MYO16: variants seen among roughly 807,000 people sequenced by gnomAD.
MYO16 encodes myosin XVI.
Under a neutral mutation model 205.3 loss-of-function variants are expected in MYO16, and 94 were observed. The observed-to-expected ratio is 0.46, with a 90% confidence interval of 0.39 to 0.54. MYO16 has a LOEUF of 0.54. Ranked by LOEUF, MYO16 falls within the 20% of genes least tolerant of loss-of-function variation. The pLI is 0.00. For synonymous variants in MYO16, 988 were observed against 954.0 expected, an observed-to-expected ratio of 1.04 and a Z score of -0.66; for missense variants, 2,315 against 2,387.5, an observed-to-expected ratio of 0.97 and a Z score of 0.63.
chr13:108,731,015 A>G (rs1884504233), intron 4 of MYO16, among the ~76,000 whole-genome samples: 1 of 152,220 alleles, frequency 6.6e-6, no homozygotes, highest in Admixed American at 6.5e-5. Context: ...CTTATGAGAT[A>G]CAGTTTCTGT....
At chr13:108,808,792 T>C (rs1002313135) in intron 7 of MYO16, among the ~76,000 whole-genome samples, 2 of 152,194 alleles carry the variant, frequency 1.3e-5, no homozygotes, top group Non-Finnish European at 2.9e-5. Flanking sequence ...GATTTAACAA[T>C]TAAAAAAACC....
intron 20 of MYO16, among the ~76,000 whole-genome samples, chr13:108,968,300 G>A (rs984134652): frequency 3.6e-4 from 55 of 152,176 alleles, no homozygotes; most frequent in African/African-American, 1.1e-3. Context: ...ATTCTTAATT[G>A]ATTGAGGAAT....
chr13:108,903,387 T>A (rs1208808250), intron 15 of MYO16, among the ~76,000 whole-genome samples: 1 of 46 alleles, frequency 0.022, no homozygotes, highest in African/African-American at 0.026. Flanking sequence ...CTATCCTCAG[T>A]TTTCAGGGGT....
intron 34 of MYO16, among the ~76,000 whole-genome samples, chr13:109,196,874 A>G (rs1880183871): frequency 6.6e-6 from 1 of 152,218 alleles, no homozygotes; most frequent in East Asian, 1.9e-4. Flanking sequence ...ATTACAGAAT[A>G]ACTAGCAAGT....
At chr13:108,546,137 T>C in the MYO16 span, among the ~76,000 whole-genome samples, 1 of 152,184 alleles carries the variant, frequency 6.6e-6, no homozygotes, top group African/African-American at 2.4e-5. Flanking sequence ...TTTGACAGTC[T>C]ATGATACAGG....
the MYO16 span, among the ~76,000 whole-genome samples, chr13:108,554,767 G>A: frequency 1.3e-5 from 2 of 148,166 alleles, no homozygotes; most frequent in South Asian, 2.2e-4. Context: ...GGAGAATGAC[G>A]TGAACCCGGG....
chr13:108,574,618 T>C, the MYO16 span, among the ~76,000 whole-genome samples: 1 of 151,882 alleles, frequency 6.6e-6, no homozygotes, highest in Non-Finnish European at 1.5e-5. Flanking sequence ...TAATACGATT[T>C]AAAGTTAAAA....
intron 33 of MYO16, among the ~76,000 whole-genome samples, chr13:109,165,309 A>C (rs1380503308): frequency 6.6e-6 from 1 of 152,218 alleles, no homozygotes; most frequent in African/African-American, 2.4e-5. Context: ...GAACTGGTCC[A>C]AAATTAGTCT....
chr13:108,898,148 T>C lies in MYO16; in HGVS notation c.1777+15T>C. ...GCTAACCGGAGGTAAGTGCAGTATTTGACAACGTGGATTTCCTGTGCCGAG... is the reference window on the plus strand; with the variant it reads ...GCTAACCGGAGGTAAGTGCAGTATTCGACAACGTGGATTTCCTGTGCCGAG... On this transcript the variant is annotated intron_variant, in intron 15 of 34. Transcript: ENST00000457511. The C allele has an allele frequency of 1.9e-6, 3 of 1,583,920 alleles. No individual in the cohort carries two copies. Among genetic ancestry groups the C allele is most frequent in the Non-Finnish European group, 2.6e-6 (3 of 1,152,602 alleles).
intron 27 of MYO16, among the ~76,000 whole-genome samples, chr13:109,069,247 G>A (rs1006707412): frequency 2.6e-5 from 4 of 152,126 alleles, no homozygotes; most frequent in Non-Finnish European, 5.9e-5. Flanking sequence ...AGTTCCAATG[G>A]AATTGAAATC....
the MYO16 span, among the ~76,000 whole-genome samples, chr13:108,502,635 G>T: frequency 9.2e-5 from 14 of 152,078 alleles, no homozygotes; most frequent in Non-Finnish European, 1.3e-4. Context: ...TGTAGCATGT[G>T]GTACTGTGTG....
At chr13:109,104,816 G>A (rs370366426) in intron 28 of MYO16, among the ~76,000 whole-genome samples, 11 of 152,044 alleles carry the variant, frequency 7.2e-5, no homozygotes, top group African/African-American at 1.4e-4. Context: ...TTTTGCTCAC[G>A]TGCCAATTCT....
At chr13:109,053,896 C>G (rs1277718338) in intron 25 of MYO16, among the ~76,000 whole-genome samples, 1 of 152,026 alleles carries the variant, frequency 6.6e-6, no homozygotes, top group African/African-American at 2.4e-5. Flanking sequence ...GTTCACTTGT[C>G]AGTACCAATG....
intron 1 of MYO16, among the ~76,000 whole-genome samples, chr13:108,641,477 C>T (rs371601766): frequency 2.0e-5 from 3 of 152,138 alleles, no homozygotes; most frequent in South Asian, 2.1e-4. Context: ...GGAAGAGAGT[C>T]GTTGAAGTGG....
intron 24 of MYO16, chr13:109,048,412 T>C (rs1031396498): frequency 1.6e-5 from 11 of 685,994 alleles, no homozygotes; most frequent in Non-Finnish European, 2.4e-5. Flanking sequence ...GTGTCAGATT[T>C]TTTTTTTTGT....
At chr13:109,145,614 AT>A (rs1010508414) in intron 32 of MYO16, among the ~76,000 whole-genome samples, 8 of 152,264 alleles carry the variant, frequency 5.3e-5, no homozygotes, top group African/African-American at 1.2e-4. Flanking sequence ...AATTCACAAC[AT>A]TTTTTTCCAT....
chr13:108,532,512 G>T, the MYO16 span, among the ~76,000 whole-genome samples: 1 of 151,640 alleles, frequency 6.6e-6, no homozygotes, highest in Non-Finnish European at 1.5e-5. Context: ...AAACAAAAGA[G>T]GCTGGGTGTC....
At chr13:108,746,728 G>T (rs1885075318) in intron 4 of MYO16, among the ~76,000 whole-genome samples, 1 of 151,892 alleles carries the variant, frequency 6.6e-6, no homozygotes. Flanking sequence ...TTTAACAATG[G>T]CCAAACGCTT....
chr13:108,974,116 C>T (rs1289526780), intron 20 of MYO16, among the ~76,000 whole-genome samples: 1 of 152,138 alleles, frequency 6.6e-6, no homozygotes, highest in Non-Finnish European at 1.5e-5. Context: ...TAATTCTGCA[C>T]TTTGATTTTG....
Sources: allele counts gnomAD v4.1 joint callset (sites outside exome capture counted in the v4.1 genomes callset), GRCh38; gene constraint gnomAD v4.1.1; transcripts MANE v1.5; gene names NCBI Gene and HGNC (gene_info 2026-07-23, HGNC 2026-07-21).